The following SH2D4B variants were observed in gnomAD, a reference collection of about 807,000 sequenced individuals.
SH2D4B encodes the protein SH2 domain containing 4B, also known as SH2 domain-containing protein 4B.
In SH2D4B, 45 loss-of-function variants were observed where a neutral mutation model predicts 61.5. The ratio of observed to expected loss-of-function variants is 0.73; its 90% CI spans 0.58 to 0.94. SH2D4B has a LOEUF of 0.94. Among genes scored for constraint, SH2D4B ranks in the 40% least tolerant of loss-of-function variants. The probability of loss-of-function intolerance (pLI) is 0.00; values close to 1 mark genes in which losing one functional copy is unlikely to be tolerated. For missense variants in SH2D4B, 572 were observed against 574.2 expected (o/e 1.00, Z 0.04); for synonymous variants, 224 against 220.4 (o/e 1.02, Z -0.14).
At chr10:80,639,370 A>C (rs562952715) in intron 7 of SH2D4B, among the ~76,000 whole-genome samples, 1 of 152,290 alleles carries the variant, frequency 6.6e-6, no homozygotes, top group East Asian at 1.9e-4. Flanking sequence ...TGGTCTGTCT[A>C]ATATTGACAG....
chr10:80,614,098 A>AT (rs1479172393), intron 6 of SH2D4B, among the ~76,000 whole-genome samples: 1 of 152,072 alleles, frequency 6.6e-6, no homozygotes, highest in Non-Finnish European at 1.5e-5. Context: ...AGAAAGGGGG[A>AT]TTGCTAAAAA....
chr10:80,540,385 G>A (rs550287322), intron 1 of SH2D4B, among the ~76,000 whole-genome samples: 1 of 152,290 alleles, frequency 6.6e-6, no homozygotes, highest in East Asian at 1.9e-4. Flanking sequence ...TCTGCTTCAT[G>A]TCCTGGGGTC....
At chr10:80,584,510 A>G (rs996368349) in intron 3 of SH2D4B, among the ~76,000 whole-genome samples, 11 of 152,222 alleles carry the variant, frequency 7.2e-5, no homozygotes, top group Admixed American at 2.0e-4. Context: ...AGGCTTCCAT[A>G]CCTGTCATAT....
At chr10:80,575,709 A>T (rs749292862) in intron 3 of SH2D4B, among the ~76,000 whole-genome samples, 7 of 152,198 alleles carry the variant, frequency 4.6e-5, no homozygotes, top group Non-Finnish European at 8.8e-5. Context: ...CAGGAGGCAG[A>T]GGTTGCAGCG....
chr10:80,614,756 T>C (rs1330344596), intron 6 of SH2D4B, among the ~76,000 whole-genome samples: 1 of 152,152 alleles, frequency 6.6e-6, no homozygotes, highest in African/African-American at 2.4e-5. Context: ...GCCACTGAAG[T>C]TTGCTCAGGT....
rs1254435722 is a variant in SH2D4B at position 80,539,845 on chromosome 10, C to T, written c.184+1330C>T. ...TGTTTTGAACAAGACACAGCAGGAC[C>T]CTGCCGGGGAGGTTGGGGCAGAGCT... On this transcript the variant is annotated intron_variant, in intron 1 of 7. Transcript: ENST00000646907. This position sits in a 1 kb window ranked among gnomAD's most constrained non-coding sequence, Gnocchi z 4.9. Among the ~76,000 whole-genome samples, 2 of 152,150 alleles carry T rather than the reference C, an allele frequency of 1.3e-5. No homozygotes were observed. Among genetic ancestry groups the T allele is most frequent in the East Asian group, 1.9e-4 (1 of 5,178 alleles).
In SH2D4B at chr10:80,646,399, GC is replaced by G. The variant is rs1840395786; in HGVS notation, c.*2316del. The G allele has an allele frequency of 6.6e-6, 1 of 152,292 alleles. No individual in the cohort carries two copies. The highest frequency in any genetic ancestry group is 2.1e-4 in the South Asian group (1 of 4,810). The allele number at this position is 152,292 out of a possible 1,614,324, so 9.4% of individuals were successfully genotyped here. On this transcript the variant is annotated 3_prime_UTR_variant, in exon 8 of 8. Transcript: ENST00000646907. ...ACACATTTATTTCATTTTATTTGGG[GC>G]CTGCAATTTCTGCATGTCTCATATA...
intron 3 of SH2D4B, among the ~76,000 whole-genome samples, chr10:80,579,474 T>G (rs1263106738): frequency 6.6e-6 from 1 of 152,170 alleles, no homozygotes; most frequent in African/African-American, 2.4e-5. Context: ...CTAAAATTGC[T>G]TCTGGACATT....
At chr10:80,599,963 A>G (rs1268689437) in intron 4 of SH2D4B, among the ~76,000 whole-genome samples, 6 of 152,126 alleles carry the variant, frequency 3.9e-5, no homozygotes, top group African/African-American at 1.4e-4. Flanking sequence ...ACCTCCACTC[A>G]GGGATGGACC....
chr10:80,575,218 T>G (rs1216631330), intron 3 of SH2D4B, among the ~76,000 whole-genome samples: 1 of 151,724 alleles, frequency 6.6e-6, no homozygotes, highest in Non-Finnish European at 1.5e-5. Context: ...ATATTAATAA[T>G]TGGTGAATTT....
chr10:80,557,255 A>G (rs1231602886), intron 1 of SH2D4B, among the ~76,000 whole-genome samples: 1 of 152,112 alleles, frequency 6.6e-6, no homozygotes, highest in Non-Finnish European at 1.5e-5. Context: ...ATGATAATTT[A>G]TCCTTTTTAT....
chr10:80,639,473 G>C (rs982890915), intron 7 of SH2D4B, among the ~76,000 whole-genome samples: 6 of 152,118 alleles, frequency 3.9e-5, no homozygotes, highest in Non-Finnish European at 7.3e-5. Flanking sequence ...TCCTGTATTG[G>C]GTGCATATAA....
chr10:80,572,416 A>G (rs1842058783), intron 3 of SH2D4B, among the ~76,000 whole-genome samples: 1 of 152,172 alleles, frequency 6.6e-6, no homozygotes, highest in African/African-American at 2.4e-5. Flanking sequence ...GTCTAGAGTC[A>G]TCCTAGGGAC....
intron 1 of SH2D4B, among the ~76,000 whole-genome samples, chr10:80,567,707 C>A (rs1413103946): frequency 6.6e-6 from 1 of 152,210 alleles, no homozygotes; most frequent in Non-Finnish European, 1.5e-5. Flanking sequence ...CCCTGCCTTG[C>A]AGTGAAGAGA....
At chr10:80,598,240 A>C (rs1048010132) in intron 4 of SH2D4B, among the ~76,000 whole-genome samples, 1 of 152,182 alleles carries the variant, frequency 6.6e-6, no homozygotes. Context: ...AGGAAGTAAC[A>C]GTGCTTTCTA....
intron 4 of SH2D4B, among the ~76,000 whole-genome samples, chr10:80,599,101 A>C (rs1842415465): frequency 6.6e-6 from 1 of 152,254 alleles, no homozygotes; most frequent in Non-Finnish European, 1.5e-5. Context: ...GTCAGGGTCC[A>C]GTGATATGGG....
At chr10:80,616,441 C>A (rs1403559141) in intron 6 of SH2D4B, among the ~76,000 whole-genome samples, 1 of 152,158 alleles carries the variant, frequency 6.6e-6, no homozygotes, top group African/African-American at 2.4e-5. Flanking sequence ...TGTGCACTGG[C>A]TATCTAGTCT....
chr10:80,633,008 A>C (rs1842849854), intron 6 of SH2D4B, among the ~76,000 whole-genome samples: 1 of 151,840 alleles, frequency 6.6e-6, no homozygotes, highest in South Asian at 2.1e-4. Context: ...ATTGTCTTTA[A>C]AGGGTGCAGC....
rs546394753 is a variant in SH2D4B, at chr10:80,543,503, C to T, written c.184+4988C>T. Among the ~76,000 whole-genome samples, 8 of 152,304 alleles carry T rather than the reference C, an allele frequency of 5.3e-5. No individual in the cohort carries two copies. The South Asian group carries it at 1.7e-3, about 32-fold the overall frequency. On this transcript the variant is annotated intron_variant, in intron 1 of 7. Coordinates refer to ENST00000646907, the MANE Select transcript of SH2D4B (RefSeq NM_001388272.1). The stretch of plus-strand genomic sequence containing the variant: ...CATGCCTAAGCCTACCCCCTGCCTC[C>T]GTGGGCTCCTGTGCCGCCCAAGCTT...
Sources: gnomAD v4.1 joint callset for allele counts (sites outside exome capture counted in the v4.1 genomes callset) on GRCh38, gnomAD v4.1.1 for gene constraint, Gnocchi (gnomAD v3.1) non-coding constraint, MANE v1.5 for transcripts, NCBI Gene and HGNC (gene_info 2026-07-23, HGNC 2026-07-21) for gene names.